Variants in NR4A1 observed in about 807,000 individuals in gnomAD.
NR4A1 encodes nuclear receptor subfamily 4immunitygroup A member 1.
NR4A1 carries 24 observed loss-of-function variants against 47.5 expected under a neutral mutation model. That is an observed-to-expected ratio of 0.50 (90% CI 0.37 to 0.71). The LOEUF (loss-of-function observed/expected upper bound fraction) is 0.71, where lower values mean the gene tolerates loss of function less well. Ranked by LOEUF, NR4A1 falls within the 30% of genes least tolerant of loss-of-function variation. The pLI is 0.00. For synonymous variants in NR4A1, 353 were observed against 345.7 expected (o/e 1.02, Z -0.24); for missense variants, 669 against 788.6 (o/e 0.85, Z 1.82).
chr12:52,059,184 T>C lies in NR4A1; in HGVS notation c.*240T>C. The stretch of plus-strand genomic sequence containing the variant: ...GCCTGGCCCCGGCCTTTATGTTTTT[T>C]GTAAGATAAACCGTTTTTAACACAT... On this transcript the variant is annotated 3_prime_UTR_variant, in exon 7 of 7. Transcript: ENST00000394825. 1 of 560,228 alleles carries C rather than the reference T, an allele frequency of 1.8e-6. No individual in the cohort carries two copies. The highest frequency in any genetic ancestry group is 3.1e-6 in the Non-Finnish European group (1 of 322,036). 34.7% of individuals were successfully genotyped at this position (560,228 alleles called of 1,614,324 possible). A position where few individuals can be genotyped will look rare whatever the true frequency, so the allele number is the denominator to read the frequency against.
intron 1 of NR4A1, chr12:52,038,678 T>A (rs1357013179): frequency 2.6e-6 from 2 of 762,204 alleles, no homozygotes; most frequent in South Asian, 2.7e-5. Flanking sequence ...GGAAGTCAGC[T>A]GACTCCGTGT....
Position 52,056,030 on chromosome 12 carries a change from C to T in NR4A1, c.877C>T (p.Arg293Cys), listed in dbSNP as rs1255104785. ...TCEGCKGFFK[R>C]TVQKNAKYIC... ...TGTTCCGTGTTGCCCCCCCACCCAG[C>T]GCACAGTGCAGAAAAACGCCAAGTA... The change falls in exon 3 of 7, where the codon CGC (arginine) becomes TGC (cysteine). Residue 293 changes from arginine to cysteine, a missense_variant and splice_region_variant. By Grantham distance (180) the Arg-to-Cys change is radical. Coordinates refer to ENST00000394825, the MANE Select transcript of NR4A1 (RefSeq NM_173157.3). 3 of 1,523,464 alleles carry T rather than the reference C, an allele frequency of 2.0e-6. No individual in the cohort carries two copies. Among genetic ancestry groups the T allele is most frequent in the East Asian group, 2.4e-5 (1 of 40,842 alleles). The allele number at this position is 1,523,464 out of a possible 1,614,324, so 94.4% of individuals were successfully genotyped here.
chr12:52,033,717 C>G (rs376216036), intron 1 of NR4A1, among the ~76,000 whole-genome samples: 5 of 152,202 alleles, frequency 3.3e-5, no homozygotes, highest in African/African-American at 1.2e-4. Flanking sequence ...CCAGGAAGAC[C>G]CGTCTTTGTG....
In NR4A1 at chr12:52,052,740, G is replaced by T. The variant is rs138043546; in HGVS notation, c.-3+1172G>T. ...GTGGGACGTCCAGGTGGAGAAACAG[G>T]ATTTGAATAAGGCAGGAACAAGCGC... On this transcript the variant is annotated intron_variant, in intron 1 of 6. Coordinates refer to ENST00000394825, the MANE Select transcript of NR4A1 (RefSeq NM_173157.3). 4.1e-3 allele frequency: 3,563 copies of T among 862,656 alleles called. 16 individuals carry two copies. Among genetic ancestry groups the T allele is most frequent in the Middle Eastern group, 4.8e-3 (8 of 1,662 alleles). 53.4% of individuals were successfully genotyped at this position (862,656 alleles called of 1,614,324 possible). A position where few individuals can be genotyped will look rare whatever the true frequency, so the allele number is the denominator to read the frequency against.
chr12:52,056,006 G>A (rs1939247336), intron 2 of NR4A1, 24 bp from the exon 3 acceptor site: 2 of 1,069,098 alleles, frequency 1.9e-6, no homozygotes, highest in Admixed American at 7.2e-5. Context: ...CTGACAGCTT[G>A]TTCCGTGTTG....
chr12:52,047,326 G>T (rs1007984645), upstream of NR4A1, among the ~76,000 whole-genome samples: 16 of 152,160 alleles, frequency 1.1e-4, no homozygotes, highest in Non-Finnish European at 2.2e-4. Flanking sequence ...AGTTCCACTA[G>T]CTGGACCCCA....
chr12:52,035,941 A>T (rs1220070380), intron 1 of NR4A1, among the ~76,000 whole-genome samples: 1 of 152,000 alleles, frequency 6.6e-6, no homozygotes, highest in South Asian at 2.1e-4. Context: ...GGTGCTGGAG[A>T]TTGTATAGCA....
In NR4A1 at chr12:52,057,091, A is replaced by T; in HGVS notation, c.1193A>T (p.Glu398Val). The change falls in exon 5 of 7, where the codon GAA (glutamate) becomes GTA (valine). Residue 398 changes from glutamate (E) to valine (V), a missense_variant. Physicochemically the swap from Glu to Val is moderately radical, Grantham distance 121. Transcript: ENST00000394825. ...QELVLPHFGK[E>V]DAGDVQQFYD... ...CTGGTGCTGCCCCACTTTGGGAAGG[A>T]AGATGCTGGGGATGTACAGCAGTTC... The T allele has an allele frequency of 6.2e-7, 1 of 1,610,930 alleles. No homozygotes were observed. The highest frequency in any genetic ancestry group is 8.5e-7 in the Non-Finnish European group (1 of 1,178,528).
chr12:52,038,389 T>G, intron 1 of NR4A1: 1 of 272,766 alleles, frequency 3.7e-6, no homozygotes, highest in African/African-American at 2.2e-5. Context: ...ATGCCTTCGT[T>G]TTTGATAGAT....
chr12:52,025,863 G>T (rs776558412), intron 1 of NR4A1, among the ~76,000 whole-genome samples: 2 of 152,174 alleles, frequency 1.3e-5, no homozygotes, highest in Non-Finnish European at 2.9e-5. Flanking sequence ...CTTGGGGGCC[G>T]CAGGGGATCC....
At position 52,054,372 on chromosome 12, in the gene NR4A1, C is replaced by T. The variant is rs375396767; in HGVS notation, c.44C>T (p.Pro15Leu). 2.0e-5 allele frequency: 32 copies of T among 1,613,468 alleles called. 1 individual carries two copies. Among genetic ancestry groups the T allele is most frequent in the East Asian group, 4.5e-5 (2 of 44,862 alleles). Residue 15 changes from proline to leucine, a missense_variant, in exon 2 of 7, where the codon CCG becomes CTG. Transcript: ENST00000394825. The part of the protein sequence containing the change: ...QAQYGTPAPS[P>L]GPRDHLASDP... ...CAATATGGGACACCAGCACCGAGTC[C>T]GGGACCCCGTGACCACCTGGCAAGC...
chr12:52,037,588 G>A, intron 1 of NR4A1: 5 of 984,568 alleles, frequency 5.1e-6, no homozygotes, highest in Non-Finnish European at 6.0e-6. Context: ...TGGATTCCCA[G>A]CGGAACCGCT....
rs747080197 is a variant in NR4A1 at position 52,054,801 on chromosome 12, T to C, written c.473T>C (p.Phe158Ser). ...CAGCTCTCTCCCTGGGATGGCTCCT[T>C]CGGCCACTTCTCGCCCAGCCAGACT... is the stretch of plus-strand genomic sequence containing the variant. ...PPQLSPWDGSFGHFSPSQTYE... is the reference protein window; with the variant it reads ...PPQLSPWDGSSGHFSPSQTYE... The change falls in exon 2 of 7, where the codon TTC (phenylalanine) becomes TCC (serine). Residue 158 changes from phenylalanine (F) to serine (S), a missense_variant. Physicochemically the swap from Phe to Ser is radical, Grantham distance 155. Coordinates refer to ENST00000394825, the MANE Select transcript of NR4A1 (RefSeq NM_173157.3). The C allele has an allele frequency of 1.2e-5, 20 of 1,613,178 alleles. No homozygotes were observed. In the Admixed American group the frequency reaches 3.2e-4, roughly 26 times the overall value.
At chr12:52,032,006 G>C (rs976991246) in intron 1 of NR4A1, among the ~76,000 whole-genome samples, 2 of 152,100 alleles carry the variant, frequency 1.3e-5, no homozygotes, top group Admixed American at 1.3e-4. Context: ...ATGTTGGTCA[G>C]GCAGGTCTGG....
At chr12:52,040,721 G>A (rs1425147882) in intron 1 of NR4A1, among the ~76,000 whole-genome samples, 2 of 152,160 alleles carry the variant, frequency 1.3e-5, no homozygotes, top group African/African-American at 4.8e-5. Flanking sequence ...CCCTTGGCCT[G>A]TAGACCTTGG....
chr12:52,057,668 G>A (rs975629967), intron 6 of NR4A1, 138 bp downstream of exon 6: 1 of 933,956 alleles, frequency 1.1e-6, no homozygotes, highest in Non-Finnish European at 1.6e-6. Context: ...CCGGGCTCAT[G>A]CCAGCAGTAA....
chr12:52,041,765 C>A, intron 1 of NR4A1: 1 of 1,267,532 alleles, frequency 7.9e-7, no homozygotes, highest in East Asian at 3.0e-5. Context: ...GGGAATGTGC[C>A]TGCTGGCTGG....
At chr12:52,029,516 C>T (rs1462740691) in intron 1 of NR4A1, among the ~76,000 whole-genome samples, 2 of 152,112 alleles carry the variant, frequency 1.3e-5, no homozygotes, top group South Asian at 2.1e-4. Flanking sequence ...AGTGAAACCC[C>T]GTCTCTACAA....
At chr12:52,054,248 G>T in intron 1 of NR4A1, 79 bp from the exon 2 acceptor site, 1 of 1,266,758 alleles carries the variant, frequency 7.9e-7, no homozygotes. Flanking sequence ...CTGCTCTGGG[G>T]CCCAAATACT....
Sources: gnomAD v4.1 joint callset for allele counts (sites outside exome capture counted in the v4.1 genomes callset) on GRCh38, gnomAD v4.1.1 for gene constraint, MANE v1.5 for transcripts, NCBI Gene and HGNC (gene_info 2026-07-23, HGNC 2026-07-21) for gene names.